Variants in CC2D2A observed in about 807,000 individuals in gnomAD.
The protein encoded by CC2D2A is coiled-coil and C2 domain containing 2A, also known as coiled-coil and C2 domain-containing protein 2A.
A neutral mutation model predicts 212.9 loss-of-function variants in CC2D2A; 155 were observed. That is an observed-to-expected ratio of 0.73 (90% CI 0.64 to 0.83). The LOEUF (loss-of-function observed/expected upper bound fraction) is 0.83, where lower values mean the gene tolerates loss of function less well. Among genes scored for constraint, CC2D2A ranks in the 40% least tolerant of loss-of-function variants. The pLI is 0.00. For missense variants in CC2D2A, 1,856 were observed against 1,956.2 expected (o/e 0.95, Z 0.97); for synonymous variants, 667 against 686.5 (o/e 0.97, Z 0.44).
chr4:15,584,699 A>G (rs1465091669), intron 30 of CC2D2A, among the ~76,000 whole-genome samples: 1 of 152,228 alleles, frequency 6.6e-6, no homozygotes, highest in African/African-American at 2.4e-5. Context: ...CAATCAATAG[A>G]GTCAAGAGAC....
intron 17 of CC2D2A, among the ~76,000 whole-genome samples, chr4:15,545,784 G>A (rs1259116886): frequency 6.6e-6 from 1 of 152,210 alleles, no homozygotes; most frequent in East Asian, 1.9e-4. Context: ...AGAGCTTGAT[G>A]ACAGTTTAAC....
intron 29 of CC2D2A, among the ~76,000 whole-genome samples, chr4:15,577,302 G>C (rs1422575602): frequency 6.6e-6 from 1 of 152,122 alleles, no homozygotes; most frequent in Non-Finnish European, 1.5e-5. Context: ...GGCCAGTGTA[G>C]CTTTTCAAAG....
intron 6 of CC2D2A, among the ~76,000 whole-genome samples, chr4:15,505,890 A>T (rs1343469888): frequency 6.6e-6 from 1 of 152,202 alleles, no homozygotes; most frequent in Non-Finnish European, 1.5e-5. Flanking sequence ...AGACAATCAG[A>T]TTAGGGTGTC....
intron 21 of CC2D2A, 106 bp downstream of exon 21, chr4:15,557,613 TA>T: frequency 1.5e-6 from 1 of 647,852 alleles, no homozygotes; most frequent in Non-Finnish European, 2.5e-6. Context: ...TCACTAGCAA[TA>T]GCGGTTTCTC....
chr4:15,479,080 C>G, intron 3 of CC2D2A: 1 of 719,818 alleles, frequency 1.4e-6, no homozygotes. Context: ...AGAGAGGACT[C>G]TAGAAAAGAT....
intron 4 of CC2D2A, chr4:15,492,950 A>C (rs529633870): frequency 3.9e-6 from 2 of 507,902 alleles, no homozygotes; most frequent in African/African-American, 3.9e-5. Flanking sequence ...CTGCTTCACC[A>C]CCTTTTTGAT....
chr4:15,536,128 A>G (rs1259837200), intron 14 of CC2D2A, among the ~76,000 whole-genome samples: 1 of 152,202 alleles, frequency 6.6e-6, no homozygotes, highest in East Asian at 1.9e-4. Flanking sequence ...TATAAGCAAA[A>G]TCATCAAAGA....
rs1034301836 is a variant in CC2D2A at position 15,475,775 on chromosome 4, C to T, written c.-18-140C>T. On this transcript the variant is annotated intron_variant, in intron 1 of 36. Transcript: ENST00000424120. ...TATCTCCACCAATCCTGGGGTCTGC[C>T]AGGGTTCCTGGTGAGTGGAAAGTCT... The T allele has an allele frequency of 1.5e-5, 10 of 680,654 alleles. 1 individual carries two copies. The highest frequency in any genetic ancestry group is 1.1e-4 in the African/African-American group (6 of 55,798). 42.2% of individuals were successfully genotyped at this position (680,654 alleles called of 1,614,324 possible). A position where few individuals can be genotyped will look rare whatever the true frequency, so the allele number is the denominator to read the frequency against.
intron 4 of CC2D2A, among the ~76,000 whole-genome samples, chr4:15,498,755 A>G (rs1715756988): frequency 6.6e-6 from 1 of 152,242 alleles, no homozygotes; most frequent in Non-Finnish European, 1.5e-5. Flanking sequence ...CATGGATGCC[A>G]TGTTAGTAAT....
chr4:15,584,032 T>C (rs191425201), intron 30 of CC2D2A, among the ~76,000 whole-genome samples: 1,559 of 151,674 alleles, frequency 0.01, 8 homozygotes, highest in Non-Finnish European at 0.018. Flanking sequence ...TGGAAAGATA[T>C]CCTGTGTTCA....
intron 13 of CC2D2A, among the ~76,000 whole-genome samples, chr4:15,529,525 C>G (rs1307114837): frequency 2.0e-5 from 3 of 152,106 alleles, no homozygotes; most frequent in African/African-American, 7.2e-5. Flanking sequence ...GATAAGGAAT[C>G]ATATCATGTA....
chr4:15,487,639 A>C (rs1325496860), intron 4 of CC2D2A, among the ~76,000 whole-genome samples: 1 of 151,844 alleles, frequency 6.6e-6, no homozygotes, highest in African/African-American at 2.4e-5. Context: ...AATTTAGTCC[A>C]TTTATATTCA....
chr4:15,550,856 C>T lies in CC2D2A; in HGVS notation c.2214C>T (p.Thr738=), dbSNP rs911280625. The change falls in exon 18 of 37, where the codon ACC becomes ACT. Residue 738 remains threonine (T), a synonymous_variant. Transcript: ENST00000424120. ...AAACTGTCGGACACAGTAGTCCCAC[C>T]TTGCTAGCAGAAGTGTTTCTGCCTA... ...VYETVGHSSP[T]LLAEVFLPIP... is the part of the protein sequence containing the mutation. The T allele has an allele frequency of 1.3e-6, 2 of 1,595,270 alleles. No individual in the cohort carries two copies. The highest frequency in any genetic ancestry group is 2.7e-5 in the African/African-American group (2 of 74,834).
In CC2D2A at chr4:15,482,072, G is replaced by A. The variant is rs1374103122; in HGVS notation, c.247+1245G>A. On this transcript the variant is annotated intron_variant, in intron 4 of 36. Transcript: ENST00000424120. ...AAGTGGATTAGACAAGAGGAGAAGT[G>A]GTTACACTTTTTAATTGTTACATAA... 8.1e-6 allele frequency: 8 copies of A among 985,242 alleles called. No individual in the cohort carries two copies. In the South Asian group the frequency reaches 2.3e-4, roughly 29 times the overall value. The allele number at this position is 985,242 out of a possible 1,614,324, so 61.0% of individuals were successfully genotyped here.
At chr4:15,556,810 T>C (rs1478938153) in intron 20 of CC2D2A, among the ~76,000 whole-genome samples, 1 of 152,178 alleles carries the variant, frequency 6.6e-6, no homozygotes, top group Non-Finnish European at 1.5e-5. Flanking sequence ...CTGGCTAACT[T>C]TTCTCAGTGA....
At position 15,586,138 on chromosome 4, in the gene CC2D2A, G is replaced by T; in HGVS notation, c.3976-19G>T. The T allele has an allele frequency of 6.4e-7, 1 of 1,565,256 alleles. No homozygotes were observed. Among genetic ancestry groups the T allele is most frequent in the Non-Finnish European group, 8.8e-7 (1 of 1,138,182 alleles). On this transcript the variant is annotated intron_variant, in intron 30 of 36. Coordinates refer to ENST00000424120, the MANE Select transcript of CC2D2A (RefSeq NM_001378615.1). Reference sequence around the variant, plus strand: ...TTTTATTATAAATTATTTTTGTAAAGCTCATTTTGATTATACAGGAACTGG... The same window carrying T: ...TTTTATTATAAATTATTTTTGTAAATCTCATTTTGATTATACAGGAACTGG...
At chr4:15,594,151 T>C (rs915541628) in intron 33 of CC2D2A, among the ~76,000 whole-genome samples, 7 of 152,120 alleles carry the variant, frequency 4.6e-5, no homozygotes, top group African/African-American at 1.4e-4. Flanking sequence ...CACTTTACAT[T>C]TGTTGTTTCC....
chr4:15,530,431 G>A (rs986432099), intron 13 of CC2D2A, among the ~76,000 whole-genome samples: 1 of 152,044 alleles, frequency 6.6e-6, no homozygotes, highest in African/African-American at 2.4e-5. Flanking sequence ...AAAACATATT[G>A]CAGTCTCCTT....
chr4:15,485,950 T>C (rs1258180897), intron 4 of CC2D2A, among the ~76,000 whole-genome samples: 1 of 152,266 alleles, frequency 6.6e-6, no homozygotes, highest in African/African-American at 2.4e-5. Flanking sequence ...ATTCTGTTGA[T>C]ATGATGTATT....
Sources: allele counts gnomAD v4.1 joint callset (sites outside exome capture counted in the v4.1 genomes callset), GRCh38; gene constraint gnomAD v4.1.1; transcripts MANE v1.5; gene names NCBI Gene and HGNC (gene_info 2026-07-23, HGNC 2026-07-21).